LRRC36: variants seen among roughly 807,000 people sequenced by gnomAD.
LRRC36 encodes the protein leucine rich repeat containing 36, also known as leucine-rich repeat-containing protein 36.
Under a neutral mutation model 81.1 loss-of-function variants are expected in LRRC36, and 62 were observed. That is an observed-to-expected ratio of 0.76 (90% CI 0.62 to 0.94). The LOEUF is 0.94. Ranked by LOEUF, LRRC36 falls within the 40% of genes least tolerant of loss-of-function variation. The pLI is 0.00. For missense variants in LRRC36, 761 were observed against 881.7 expected, an observed-to-expected ratio of 0.86 and a Z score of 1.73; for synonymous variants, 334 against 348.6, an observed-to-expected ratio of 0.96 and a Z score of 0.47.
intron 13 of LRRC36, among the ~76,000 whole-genome samples, chr16:67,384,188 A>C (rs2040210307): frequency 6.6e-6 from 1 of 152,178 alleles, no homozygotes; most frequent in African/African-American, 2.4e-5. Flanking sequence ...TGTAATCCAC[A>C]CTTTGGGAGG....
intron 9 of LRRC36, among the ~76,000 whole-genome samples, chr16:67,374,988 G>T (rs1482337013): frequency 1.3e-5 from 2 of 151,644 alleles, no homozygotes; most frequent in Non-Finnish European, 2.9e-5. Context: ...AACTTAGCCG[G>T]GTGTGGTGGC....
chr16:67,340,508 T>C (rs962958636), intron 1 of LRRC36, among the ~76,000 whole-genome samples: 1 of 151,728 alleles, frequency 6.6e-6, no homozygotes, highest in Non-Finnish European at 1.5e-5. Context: ...TACAAAAAAT[T>C]AGCCGGGTGT....
At chr16:67,361,224 G>A (rs1365076062) in intron 5 of LRRC36, among the ~76,000 whole-genome samples, 1 of 152,036 alleles carries the variant, frequency 6.6e-6, no homozygotes. Flanking sequence ...AGAGATGGGG[G>A]TCTCACTATG....
At chr16:67,363,535 G>C in intron 5 of LRRC36, 55 bp from the exon 6 acceptor site, 1 of 1,594,306 alleles carries the variant, frequency 6.3e-7, no homozygotes, top group Non-Finnish European at 8.6e-7. Flanking sequence ...TAGACATGCT[G>C]CCTTTGAAGT....
intron 9 of LRRC36, among the ~76,000 whole-genome samples, chr16:67,373,067 A>C (rs1316890138): frequency 6.6e-6 from 1 of 152,174 alleles, no homozygotes; most frequent in Non-Finnish European, 1.5e-5. Context: ...ATATTGTTAA[A>C]ATCTGGCTAG....
intron 5 of LRRC36, among the ~76,000 whole-genome samples, chr16:67,360,167 G>A (rs1030006506): frequency 1.3e-5 from 2 of 151,590 alleles, no homozygotes; most frequent in Admixed American, 6.6e-5. Context: ...CTTTTTGGTT[G>A]TGTGCAGGTA....
intron 12 of LRRC36, among the ~76,000 whole-genome samples, chr16:67,380,523 A>G (rs1567505392): frequency 6.6e-6 from 1 of 152,238 alleles, no homozygotes; most frequent in Non-Finnish European, 1.5e-5. Flanking sequence ...AATTATGGGT[A>G]CATGGATTTA....
chr16:67,333,639 A>G (rs1487115481), intron 1 of LRRC36, among the ~76,000 whole-genome samples: 1 of 152,070 alleles, frequency 6.6e-6, no homozygotes, highest in African/African-American at 2.4e-5. Context: ...TATCATTGGA[A>G]TCATATAATA....
chr16:67,348,145 G>A (rs1184505622), intron 4 of LRRC36, among the ~76,000 whole-genome samples: 1 of 152,124 alleles, frequency 6.6e-6, no homozygotes, highest in Non-Finnish European at 1.5e-5. Context: ...TTAAAAAGTA[G>A]TTTTATTATT....
chr16:67,363,794 T>C, intron 6 of LRRC36, 80 bp downstream of exon 6: 1 of 1,509,206 alleles, frequency 6.6e-7, no homozygotes. Context: ...CAATTATTTA[T>C]GAAGGTCTCA....
intron 7 of LRRC36, 102 bp downstream of exon 7, chr16:67,365,457 T>A: frequency 2.1e-6 from 2 of 955,178 alleles, no homozygotes; most frequent in Non-Finnish European, 3.2e-6. Context: ...GGGGGCCCTA[T>A]TTAGTCAACT....
Position 67,351,567 on chromosome 16 carries a change from C to T in LRRC36, c.577+1277C>T, listed in dbSNP as rs900832506. ...ACTAAAAATACAAAAATTAGCCATG[C>T]GTGGTGGCACATGCTTGCAATCCCA... On this transcript the variant is annotated intron_variant, in intron 5 of 13. Coordinates refer to ENST00000329956, the MANE Select transcript of LRRC36 (RefSeq NM_018296.6). 1.3e-4 allele frequency among the ~76,000 whole-genome samples: 20 copies of T among 152,096 alleles called. 1 individual carries two copies. Among genetic ancestry groups the T allele is most frequent in the Admixed American group, 1.2e-3 (18 of 15,256 alleles).
At chr16:67,343,912 G>T (rs2142008930) in intron 2 of LRRC36, among the ~76,000 whole-genome samples, 1 of 151,954 alleles carries the variant, frequency 6.6e-6, no homozygotes, top group South Asian at 2.1e-4. Context: ...CGCCTCCCAG[G>T]TTCAGGAGAT....
At chr16:67,354,112 A>G (rs2038785217) in intron 5 of LRRC36, among the ~76,000 whole-genome samples, 1 of 152,000 alleles carries the variant, frequency 6.6e-6, no homozygotes, top group African/African-American at 2.4e-5. Context: ...CCTGTTTGTC[A>G]ACTACAATGT....
chr16:67,341,247 A>C (rs2142634263), intron 1 of LRRC36, among the ~76,000 whole-genome samples: 1 of 142,400 alleles, frequency 7.0e-6, no homozygotes, highest in Non-Finnish European at 1.5e-5. Context: ...ATTATATATA[A>C]TTATATATAT....
intron 4 of LRRC36, among the ~76,000 whole-genome samples, chr16:67,349,808 T>C (rs2038531046): frequency 6.6e-6 from 1 of 152,092 alleles, no homozygotes; most frequent in Non-Finnish European, 1.5e-5. Context: ...TCACCCAAAC[T>C]GGAGTACAGT....
At position 67,378,675 on chromosome 16, in the gene LRRC36, C is replaced by T. The variant is rs770773089; in HGVS notation, c.1893C>T (p.Ala631=). The change falls in exon 12 of 14, where the codon GCC becomes GCT. Residue 631 remains alanine (A), a synonymous_variant. Transcript: ENST00000329956. ...EKIQQLEEGA[A]ISIVSGQQSH... is the part of the protein sequence containing the mutation. ...TTCAACAGTTGGAGGAAGGTGCTGC[C>T]ATCTCAATTGTGAGTGGGCAACAGT... The T allele has an allele frequency of 6.2e-7, 1 of 1,614,066 alleles. No individual in the cohort carries two copies. Among genetic ancestry groups the T allele is most frequent in the Non-Finnish European group, 8.5e-7 (1 of 1,179,954 alleles).
At chr16:67,381,102 T>C (rs1335142120) in intron 12 of LRRC36, among the ~76,000 whole-genome samples, 1 of 151,982 alleles carries the variant, frequency 6.6e-6, no homozygotes, top group Admixed American at 6.6e-5. Context: ...CATGTGCCTA[T>C]AATCCCAGCT....
Position 67,363,675 on chromosome 16 carries a change from A to G in LRRC36, c.663A>G (p.Thr221=). ...LSTSATQGNG[T]RDQKLDTFPL... Reference sequence around the variant, plus strand: ...CTTCTGCAACTCAGGGCAATGGTACACGTGATCAGAAATTAGACACCTTCC... The same window carrying G: ...CTTCTGCAACTCAGGGCAATGGTACGCGTGATCAGAAATTAGACACCTTCC... The change falls in exon 6 of 14, where the codon ACA becomes ACG. Residue 221 remains threonine, a synonymous_variant. Transcript: ENST00000329956. 3.1e-6 allele frequency: 5 copies of G among 1,614,014 alleles called. No individual in the cohort carries two copies. The highest frequency in any genetic ancestry group is 4.2e-6 in the Non-Finnish European group (5 of 1,179,876).
Sources: gnomAD v4.1 joint callset for allele counts (sites outside exome capture counted in the v4.1 genomes callset) on GRCh38, gnomAD v4.1.1 for gene constraint, MANE v1.5 for transcripts, NCBI Gene and HGNC (gene_info 2026-07-23, HGNC 2026-07-21) for gene names.